Variants in FBRSL1 observed in about 807,000 individuals in gnomAD.
FBRSL1 encodes the protein fibrosin like 1, also known as fibrosin-1-like protein.
Under a neutral mutation model 89.6 loss-of-function variants are expected in FBRSL1, and 51 were observed. That is an observed-to-expected ratio of 0.57 (90% CI 0.45 to 0.72). FBRSL1 has a LOEUF of 0.72. FBRSL1 is among the 30% of genes least tolerant of loss of function. The pLI is 0.00. For missense variants in FBRSL1, 1,618 were observed against 1,451.8 expected (o/e 1.11, Z -1.86); for synonymous variants, 779 against 681.1 (o/e 1.14, Z -2.24).
Position 132,572,429 on chromosome 12 carries a change from G to A in FBRSL1, c.1434+85G>A. 7 of 1,511,726 alleles carry A rather than the reference G, an allele frequency of 4.6e-6. No individual in the cohort carries two copies. The South Asian group carries it at 4.8e-5, about 10-fold the overall frequency. 93.6% of individuals were successfully genotyped at this position (1,511,726 alleles called of 1,614,324 possible). ...CGGTGGGTGGGGCTGCCCCTCGCCT[G>A]GCCTCGCCCCTGCTGCATTGGTGCC... On this transcript the variant is annotated intron_variant, in intron 10 of 18. Coordinates refer to ENST00000680143, the MANE Select transcript of FBRSL1 (RefSeq NM_001367871.1).
At chr12:132,510,988 G>T in intron 2 of FBRSL1, 2 of 987,640 alleles carry the variant, frequency 2.0e-6, no homozygotes, top group Middle Eastern at 5.2e-4. Flanking sequence ...AGTGAGTGGC[G>T]TGCTGGGCAT....
intron 5 of FBRSL1, among the ~76,000 whole-genome samples, chr12:132,556,221 G>A (rs1011758337): frequency 4.6e-5 from 7 of 152,132 alleles, no homozygotes; most frequent in Non-Finnish European, 7.4e-5. Context: ...ACGCTTCTCC[G>A]GGCTCCCCCT....
intron 2 of FBRSL1, chr12:132,510,358 A>T: frequency 1.5e-5 from 18 of 1,231,166 alleles, no homozygotes; most frequent in Non-Finnish European, 1.8e-5. Context: ...GCCCTGGGCC[A>T]TCCCTGCCGG....
At chr12:132,576,600 G>A (rs1285074820) in intron 14 of FBRSL1, among the ~76,000 whole-genome samples, 199 bp from the exon 15 acceptor site, 1 of 152,228 alleles carries the variant, frequency 6.6e-6, no homozygotes, top group Non-Finnish European at 1.5e-5. Context: ...GAGGACGTGA[G>A]CTCTCCCGTT....
intron 5 of FBRSL1, chr12:132,552,097 C>T: frequency 5.1e-6 from 1 of 194,814 alleles, no homozygotes; most frequent in South Asian, 1.0e-4. Context: ...CATCCACAGC[C>T]TCCATGTTCT....
In FBRSL1 at chr12:132,563,784, A is replaced by G. The variant is rs4992761; in HGVS notation, c.646-3697A>G. Among the ~76,000 whole-genome samples, 139 of 34,562 alleles carry G rather than the reference A, an allele frequency of 4.0e-3. 8 individuals are homozygous for G. Among genetic ancestry groups the G allele is most frequent in the East Asian group, 0.028 (24 of 870 alleles). 22.7% of individuals were successfully genotyped at this position (34,562 alleles called of 152,430 possible). A position where few individuals can be genotyped will look rare whatever the true frequency, so the allele number is the denominator to read the frequency against. ...CCCCTCCGGCTGACACATACCTACG[A>G]CTGTACACTCACCCCCGTCGCCCCT... On this transcript the variant is annotated intron_variant, in intron 5 of 18. Transcript: ENST00000680143.
At chr12:132,576,746 G>C in intron 14 of FBRSL1, 53 bp from the exon 15 acceptor site, 3 of 1,519,366 alleles carry the variant, frequency 2.0e-6, no homozygotes, top group South Asian at 2.5e-5. Context: ...TGGGCTCCCT[G>C]TGTTCAGGGC....
chr12:132,524,778 C>T (rs1376439907), intron 2 of FBRSL1, among the ~76,000 whole-genome samples: 1 of 152,174 alleles, frequency 6.6e-6, no homozygotes, highest in African/African-American at 2.4e-5. Flanking sequence ...CCCTGCTGGG[C>T]GCTGGCCAGC....
chr12:132,519,407 C>CTTT (rs139129528), intron 2 of FBRSL1, among the ~76,000 whole-genome samples: 1,928 of 152,356 alleles, frequency 0.013, 37 homozygotes, highest in African/African-American at 0.043. Context: ...GGATGGCATG[C>CTTT]TTTGCTAATA....
At chr12:132,541,394 C>A (rs1008605987) in intron 4 of FBRSL1, among the ~76,000 whole-genome samples, 1 of 152,356 alleles carries the variant, frequency 6.6e-6, no homozygotes, top group East Asian at 1.9e-4. Context: ...CCGTAACCCC[C>A]TGCCCACGAG....
intron 4 of FBRSL1, among the ~76,000 whole-genome samples, chr12:132,532,249 C>T (rs987160006): frequency 2.6e-5 from 4 of 152,142 alleles, no homozygotes; most frequent in Admixed American, 1.3e-4. Flanking sequence ...CTGCACACGG[C>T]ATTTAGTTAC....
At chr12:132,564,891 A>G (rs1445527727) in intron 5 of FBRSL1, among the ~76,000 whole-genome samples, 2 of 151,886 alleles carry the variant, frequency 1.3e-5, no homozygotes, top group Non-Finnish European at 2.9e-5. Context: ...GGCCTCCCGC[A>G]GTGCTGGGAT....
At chr12:132,572,770 CCCCTGCCAGGATGGGGGG>C in intron 11 of FBRSL1, 148 bp downstream of exon 11, 1 of 659,462 alleles carries the variant, frequency 1.5e-6, no homozygotes, top group South Asian at 1.8e-5. Context: ...GCGTGAGCAG[CCCCTGCCAGGATGGGGGG>C]CCCTGCGGTC....
At chr12:132,504,592 G>C (rs1047412649) in intron 1 of FBRSL1, among the ~76,000 whole-genome samples, 2 of 152,074 alleles carry the variant, frequency 1.3e-5, no homozygotes, top group Admixed American at 6.5e-5. Context: ...GCTGACCCAG[G>C]TGTGCACTGC....
At chr12:132,519,822 C>T (rs1283813240) in intron 2 of FBRSL1, among the ~76,000 whole-genome samples, 5 of 150,658 alleles carry the variant, frequency 3.3e-5, no homozygotes, top group Non-Finnish European at 5.9e-5. Context: ...GGCAGAGAAT[C>T]GCTTGAACCC....
rs1055371859 is a variant in FBRSL1, at chr12:132,530,575, C to G, written c.615+2587C>G. On this transcript the variant is annotated intron_variant, in intron 4 of 18. Transcript: ENST00000680143. ...CTGCCCTGAGCCACTGGGTGCCCTT[C>G]TGCTTCTGGGTCTCCACTCATTATT... Among the ~76,000 whole-genome samples, 4 of 152,068 alleles carry G rather than the reference C, an allele frequency of 2.6e-5. No homozygotes were observed. The East Asian group carries it at 7.7e-4, about 29-fold the overall frequency.
In FBRSL1 at chr12:132,585,166, A is replaced by G. The variant is rs2041042708; in HGVS notation, c.*1388A>G. On this transcript the variant is annotated 3_prime_UTR_variant, in exon 19 of 19. Coordinates refer to ENST00000680143, the MANE Select transcript of FBRSL1 (RefSeq NM_001367871.1). ...TTCCCATGTCAATCAGTGACGATAAATACAGCCTTGATTTGGATGAAACTG... is the reference window on the plus strand; with the variant it reads ...TTCCCATGTCAATCAGTGACGATAAGTACAGCCTTGATTTGGATGAAACTG... The G allele has an allele frequency of 6.7e-6, 1 of 148,584 alleles. No homozygotes were observed. The highest frequency in any genetic ancestry group is 1.5e-5 in the Non-Finnish European group (1 of 68,030). 9.2% of individuals were successfully genotyped at this position (148,584 alleles called of 1,614,324 possible).
chr12:132,529,504 T>G (rs9737965), intron 4 of FBRSL1, among the ~76,000 whole-genome samples: 145,777 of 152,260 alleles, frequency 0.96, 69,825 homozygotes, highest in East Asian at 1. Context: ...TCACCTGAGG[T>G]TCTGTCTAAA....
chr12:132,541,911 G>C (rs574495773), intron 4 of FBRSL1, among the ~76,000 whole-genome samples: 1 of 152,112 alleles, frequency 6.6e-6, no homozygotes, highest in African/African-American at 2.4e-5. Context: ...CCACCACCCC[G>C]AACCATCCGG....
Sources: allele counts gnomAD v4.1 joint callset (sites outside exome capture counted in the v4.1 genomes callset), GRCh38; gene constraint gnomAD v4.1.1; transcripts MANE v1.5; gene names NCBI Gene and HGNC (gene_info 2026-07-23, HGNC 2026-07-21).